FANCL: variants seen among roughly 807,000 people sequenced by gnomAD.
FANCL encodes the protein E3 ubiquitin-protein ligase FANCL.
Under a neutral mutation model 59.4 loss-of-function variants are expected in FANCL, and 69 were observed. The ratio of observed to expected loss-of-function variants is 1.16; its 90% CI spans 0.96 to 1.42. The LOEUF (loss-of-function observed/expected upper bound fraction) is 1.42, where lower values mean the gene tolerates loss of function less well. Among genes scored for constraint, FANCL ranks in the 40% most tolerant of loss-of-function variants. FANCL has a pLI of 0.00. For missense variants in FANCL, 519 were observed against 447.2 expected (o/e 1.16, Z -1.45); for synonymous variants, 180 against 147.1 (o/e 1.22, Z -1.62).
At chr2:58,174,412 A>G (rs1687045671) in intron 7 of FANCL, among the ~76,000 whole-genome samples, 2 of 152,188 alleles carry the variant, frequency 1.3e-5, no homozygotes, top group African/African-American at 2.4e-5. Context: ...AGCAAATGTA[A>G]AAGATCAGAA....
intron 7 of FANCL, among the ~76,000 whole-genome samples, chr2:58,188,920 T>C (rs1015079463): frequency 6.6e-6 from 1 of 152,066 alleles, no homozygotes; most frequent in African/African-American, 2.4e-5. Context: ...CCATCAATAC[T>C]TACCAAAAAA....
At chr2:58,206,792 A>C (rs1348992042) in intron 5 of FANCL, among the ~76,000 whole-genome samples, 1 of 152,170 alleles carries the variant, frequency 6.6e-6, no homozygotes, top group African/African-American at 2.4e-5. Context: ...GCAGTAAAAA[A>C]CATTTATACT....
chr2:58,169,276 T>G (rs1190227895), intron 7 of FANCL, among the ~76,000 whole-genome samples: 1 of 151,662 alleles, frequency 6.6e-6, no homozygotes, highest in African/African-American at 2.4e-5. Flanking sequence ...AGGTCTGGAG[T>G]GGACCTCCAG....
At chr2:58,173,255 G>A (rs1162302769) in intron 7 of FANCL, among the ~76,000 whole-genome samples, 1 of 152,158 alleles carries the variant, frequency 6.6e-6, no homozygotes, top group Non-Finnish European at 1.5e-5. Context: ...TAGCAAGGCA[G>A]GCCAACATTC....
intron 1 of FANCL, among the ~76,000 whole-genome samples, chr2:58,239,702 T>C (rs1694338365): frequency 6.6e-6 from 1 of 152,186 alleles, no homozygotes. Context: ...CTCAAGTATT[T>C]AGGGATAAAG....
At chr2:58,184,233 ATTTACTC>A (rs2104984902) in intron 7 of FANCL, among the ~76,000 whole-genome samples, 1 of 152,184 alleles carries the variant, frequency 6.6e-6, no homozygotes, top group South Asian at 2.1e-4. Context: ...TACAATAACA[ATTTACTC>A]TTTGATCAAA....
chr2:58,218,753 A>G (rs1310987980), intron 5 of FANCL, among the ~76,000 whole-genome samples: 1 of 152,076 alleles, frequency 6.6e-6, no homozygotes, highest in Admixed American at 6.5e-5. Flanking sequence ...ATAACAGATA[A>G]TGGGAGCTCG....
intron 7 of FANCL, among the ~76,000 whole-genome samples, 156 bp from the exon 8 acceptor site, chr2:58,166,030 A>G (rs1685914304): frequency 6.6e-6 from 1 of 152,220 alleles, no homozygotes; most frequent in African/African-American, 2.4e-5. Context: ...CCTGCTTCAC[A>G]TCTCTTCCTA....
chr2:58,234,834 CT>C (rs1475683043), intron 1 of FANCL, among the ~76,000 whole-genome samples: 1 of 151,896 alleles, frequency 6.6e-6, no homozygotes, highest in Non-Finnish European at 1.5e-5. Context: ...TGTTAAGAAA[CT>C]GAAGAGAACT....
chr2:58,214,246 C>T (rs1288492467), intron 5 of FANCL, among the ~76,000 whole-genome samples: 1 of 152,058 alleles, frequency 6.6e-6, no homozygotes, highest in Non-Finnish European at 1.5e-5. Flanking sequence ...TTATTTTTGG[C>T]TTTCATCTAT....
intron 13 of FANCL, 34 bp downstream of exon 13, chr2:58,160,074 A>C: frequency 6.2e-7 from 1 of 1,610,138 alleles, no homozygotes; most frequent in East Asian, 2.2e-5. Context: ...AAAGCTAGGC[A>C]CATTTTATGA....
chr2:58,198,604 C>G lies in FANCL; in HGVS notation c.530G>C (p.Trp177Ser). The G allele has an allele frequency of 6.2e-7, 1 of 1,613,416 alleles. No homozygotes were observed. ...CTGAGGAGAATTTACCTGAGGTGTC[C>G]AGGAGGCACAAAATGGAACAGGAAA... is the stretch of plus-strand genomic sequence containing the variant. Reference protein sequence around the residue: ...VDFPVPFCASWTPQSSLISIY... With the variant: ...VDFPVPFCASSTPQSSLISIY... The change falls in exon 7 of 14, where the codon TGG (tryptophan) becomes TCG (serine). Residue 177 changes from tryptophan (W) to serine (S), a missense_variant. Trp to Ser is a radical substitution (Grantham distance 177). Transcript: ENST00000233741.
At chr2:58,218,476 T>C (rs1031556741) in intron 5 of FANCL, among the ~76,000 whole-genome samples, 2 of 151,950 alleles carry the variant, frequency 1.3e-5, no homozygotes, top group African/African-American at 2.4e-5. Flanking sequence ...GATCCTAAAA[T>C]CATTTTTTAA....
intron 5 of FANCL, among the ~76,000 whole-genome samples, chr2:58,204,716 T>G (rs566276511): frequency 6.6e-6 from 1 of 152,122 alleles, no homozygotes; most frequent in Non-Finnish European, 1.5e-5. Context: ...ATACTCAAAT[T>G]GATCCTCTAA....
chr2:58,160,049 T>G (rs1558727030), intron 13 of FANCL, 59 bp downstream of exon 13: 3 of 1,606,294 alleles, frequency 1.9e-6, no homozygotes, highest in East Asian at 4.5e-5. Flanking sequence ...ATCTATCTTC[T>G]AGAACATATT....
chr2:58,223,628 G>A (rs1179087755), intron 4 of FANCL, among the ~76,000 whole-genome samples: 5 of 151,896 alleles, frequency 3.3e-5, no homozygotes, highest in Admixed American at 6.6e-5. Flanking sequence ...GGTACATAGC[G>A]GAAAGGCTTC....
At chr2:58,224,690 A>G (rs1692810694) in intron 4 of FANCL, among the ~76,000 whole-genome samples, 1 of 151,886 alleles carries the variant, frequency 6.6e-6, no homozygotes, top group Non-Finnish European at 1.5e-5. Flanking sequence ...TAATTTTTAT[A>G]TAAACTAACA....
intron 8 of FANCL, 75 bp from the exon 9 acceptor site, chr2:58,163,592 T>C (rs1685536858): frequency 2.2e-6 from 2 of 899,630 alleles, no homozygotes; most frequent in Admixed American, 3.7e-5. Flanking sequence ...TAAAGAGGTG[T>C]TGGTCTGGCT....
intron 5 of FANCL, among the ~76,000 whole-genome samples, chr2:58,217,196 AT>A: frequency 2.0e-4 from 1 of 5,082 alleles, no homozygotes; most frequent in Non-Finnish European, 3.4e-4. Context: ...ATATATATAT[AT>A]ATATATATAT....
Sources: gnomAD v4.1 joint callset for allele counts (sites outside exome capture counted in the v4.1 genomes callset) on GRCh38, gnomAD v4.1.1 for gene constraint, MANE v1.5 for transcripts, NCBI Gene and HGNC (gene_info 2026-07-23, HGNC 2026-07-21) for gene names.